SPSB4: variants seen among roughly 807,000 people sequenced by gnomAD.
SPSB4 encodes the protein splA/ryanodine receptor domain and SOCS box containing 4, also known as SPRY domain-containing SOCS box protein 4.
SPSB4 carries 21 observed loss-of-function variants against 20.9 expected under a neutral mutation model. That is an observed-to-expected ratio of 1.01 (90% CI 0.71 to 1.45). The LOEUF (loss-of-function observed/expected upper bound fraction) is 1.45, where lower values mean the gene tolerates loss of function less well. Ranked by LOEUF, SPSB4 falls within the 40% of genes most tolerant of loss-of-function variation. SPSB4 has a pLI of 0.00. For synonymous variants in SPSB4, 207 were observed against 183.8 expected (o/e 1.13, Z -1.02); for missense variants, 399 against 399.2 (o/e 1.00, Z 0.00).
At chr3:141,084,220 T>A (rs1021060238) in intron 2 of SPSB4, among the ~76,000 whole-genome samples, 2 of 152,178 alleles carry the variant, frequency 1.3e-5, no homozygotes, top group African/African-American at 4.8e-5. Context: ...TTGTGATGTT[T>A]CTTTTAAAAG....
At chr3:141,101,903 G>C (rs534712976) in intron 2 of SPSB4, among the ~76,000 whole-genome samples, 2 of 152,332 alleles carry the variant, frequency 1.3e-5, no homozygotes, top group South Asian at 4.1e-4. Flanking sequence ...CATTTAGAGA[G>C]ATGCTTGTAA....
intron 1 of SPSB4, among the ~76,000 whole-genome samples, chr3:141,061,385 T>G (rs1369875921): frequency 1.3e-5 from 2 of 152,116 alleles, no homozygotes; most frequent in Non-Finnish European, 2.9e-5. Context: ...TGTCCTTTTT[T>G]TGTATTCTCT....
At chr3:141,126,333 C>T (rs114032262) in intron 2 of SPSB4, among the ~76,000 whole-genome samples, 1,564 of 152,252 alleles carry the variant, frequency 0.01, 23 homozygotes, top group African/African-American at 0.036. Flanking sequence ...TCCCAGCCAG[C>T]CTTTCATCCC....
chr3:141,118,610 T>G (rs1938917390), intron 2 of SPSB4, among the ~76,000 whole-genome samples: 1 of 152,246 alleles, frequency 6.6e-6, no homozygotes, highest in African/African-American at 2.4e-5. Context: ...CTTCTAGGGT[T>G]TTTATGGTTT....
intron 1 of SPSB4, among the ~76,000 whole-genome samples, chr3:141,061,310 C>T (rs1937756096): frequency 6.6e-6 from 1 of 151,806 alleles, no homozygotes; most frequent in Non-Finnish European, 1.5e-5. Flanking sequence ...AGCAAAATTC[C>T]TCCAAAAGCT....
intron 2 of SPSB4, among the ~76,000 whole-genome samples, chr3:141,095,811 A>G (rs937003705): frequency 1.6e-4 from 24 of 152,310 alleles, no homozygotes; most frequent in African/African-American, 5.8e-4. Flanking sequence ...GGCAGAGATT[A>G]TTGGAGATCT....
chr3:141,083,728 C>A (rs1286678993), intron 2 of SPSB4, among the ~76,000 whole-genome samples: 1 of 152,150 alleles, frequency 6.6e-6, no homozygotes, highest in South Asian at 2.1e-4. Flanking sequence ...TCTTTAATGA[C>A]CTTAGTCCAT....
At chr3:141,109,564 T>TA (rs1938760718) in intron 2 of SPSB4, among the ~76,000 whole-genome samples, 1 of 152,116 alleles carries the variant, frequency 6.6e-6, no homozygotes, top group Non-Finnish European at 1.5e-5. Context: ...TCATAGCCAT[T>TA]ACAGGCAGAG....
intron 1 of SPSB4, among the ~76,000 whole-genome samples, chr3:141,055,596 G>A (rs1203644848): frequency 6.6e-6 from 1 of 152,212 alleles, no homozygotes; most frequent in Admixed American, 6.5e-5. Flanking sequence ...AGGGAAGCCT[G>A]CTAAGAGACC....
At chr3:141,053,475 A>T (rs1936131131) in intron 1 of SPSB4, among the ~76,000 whole-genome samples, 1 of 152,176 alleles carries the variant, frequency 6.6e-6, no homozygotes, top group African/African-American at 2.4e-5. Flanking sequence ...ATATTTAATG[A>T]TATAAAAATA....
chr3:141,129,586 C>T (rs144807202), intron 2 of SPSB4, among the ~76,000 whole-genome samples: 105 of 152,354 alleles, frequency 6.9e-4, no homozygotes, highest in Non-Finnish European at 1.2e-3. Context: ...GTCCCTCATG[C>T]ACACGCATGC....
At chr3:141,060,202 A>G (rs1937735002) in intron 1 of SPSB4, among the ~76,000 whole-genome samples, 1 of 152,206 alleles carries the variant, frequency 6.6e-6, no homozygotes, top group Non-Finnish European at 1.5e-5. Flanking sequence ...TCAATGACCC[A>G]GTATGGGCCA....
intron 2 of SPSB4, among the ~76,000 whole-genome samples, chr3:141,080,878 G>A (rs1938217226): frequency 6.6e-6 from 1 of 152,216 alleles, no homozygotes; most frequent in African/African-American, 2.4e-5. Flanking sequence ...ATTATAAAAG[G>A]CAGGAGGCGG....
At chr3:141,075,215 T>C (rs1008479422) in intron 2 of SPSB4, among the ~76,000 whole-genome samples, 1 of 151,694 alleles carries the variant, frequency 6.6e-6, no homozygotes, top group Non-Finnish European at 1.5e-5. Flanking sequence ...GCTGATGGGT[T>C]GGAGGGACTT....
intron 2 of SPSB4, among the ~76,000 whole-genome samples, chr3:141,118,252 G>A (rs1292030445): frequency 1.3e-5 from 2 of 152,202 alleles, no homozygotes; most frequent in Admixed American, 6.5e-5. Context: ...CAGTGATGAT[G>A]AGCATTTTTT....
intron 2 of SPSB4, among the ~76,000 whole-genome samples, chr3:141,129,607 G>A (rs1225119260): frequency 2.6e-5 from 4 of 152,180 alleles, no homozygotes; most frequent in South Asian, 2.1e-4. Flanking sequence ...ACACATGAGC[G>A]AATCTTCTGT....
intron 2 of SPSB4, among the ~76,000 whole-genome samples, chr3:141,112,793 G>A (rs1484125942): frequency 6.6e-6 from 1 of 152,210 alleles, no homozygotes; most frequent in South Asian, 2.1e-4. Flanking sequence ...TCCTCGGAGT[G>A]GCCAGGCAAG....
intron 2 of SPSB4, among the ~76,000 whole-genome samples, chr3:141,107,629 A>G (rs1576533374): frequency 6.6e-6 from 1 of 152,172 alleles, no homozygotes; most frequent in African/African-American, 2.4e-5. Flanking sequence ...ACAGCCTTAC[A>G]TCCCCTCTGC....
In SPSB4 at chr3:141,059,967, C is replaced by T. The variant is rs1306128675; in HGVS notation, c.-153-5985C>T. On this transcript the variant is annotated intron_variant, in intron 1 of 2. Transcript: ENST00000310546. ...CAGGTGGGGATTCACATCTAGGTCT[C>T]CTGTCCTTCATTAGATTGCCCAGCT... Among the ~76,000 whole-genome samples, 8 of 152,340 alleles carry T rather than the reference C, an allele frequency of 5.3e-5. No homozygotes were observed. In the East Asian group the frequency reaches 1.5e-3, roughly 29 times the overall value.
Sources: gnomAD v4.1 joint callset for allele counts (sites outside exome capture counted in the v4.1 genomes callset) on GRCh38, gnomAD v4.1.1 for gene constraint, MANE v1.5 for transcripts, NCBI Gene and HGNC (gene_info 2026-07-23, HGNC 2026-07-21) for gene names.